Variants in TSC22D3 observed in about 807,000 individuals in gnomAD.
TSC22D3 encodes the protein TSC22 domain family member 3.
TSC22D3 carries 4 observed loss-of-function variants against 11.1 expected under a neutral mutation model. The ratio of observed to expected loss-of-function variants is 0.36; its 90% CI spans 0.18 to 0.83. TSC22D3 has a LOEUF of 0.83. Ranked by LOEUF, TSC22D3 falls within the 40% of genes least tolerant of loss-of-function variation. The pLI, the probability that TSC22D3 is intolerant of heterozygous loss-of-function variation, is 0.48. For missense variants in TSC22D3, 118 were observed against 159.4 expected (o/e 0.74, Z 1.40); for synonymous variants, 77 against 70.3 (o/e 1.10, Z -0.48).
intron 1 of TSC22D3, chrX:107,774,858 G>A: frequency 1.4e-5 from 6 of 423,280 alleles, no homozygotes. Flanking sequence ...CACCTTCTAG[G>A]CCCCAGCGTC....
chrX:107,716,147 G>A, intron 1 of TSC22D3, 197 bp from the exon 2 acceptor site: 1 of 635,484 alleles, frequency 1.6e-6, no homozygotes, highest in East Asian at 3.7e-5. Flanking sequence ...CCTCATCCAG[G>A]CCGGCTCAGC....
At chrX:107,747,422 A>G (rs1928721362) in intron 1 of TSC22D3, among the ~76,000 whole-genome samples, 1 of 112,629 alleles carries the variant, frequency 8.9e-6, no homozygotes, top group South Asian at 3.7e-4. Flanking sequence ...GTAGTGTGAC[A>G]TCTAAGTGGT....
At chrX:107,717,080 T>C in intron 1 of TSC22D3, 1 of 945,371 alleles carries the variant, frequency 1.1e-6, no homozygotes, top group Non-Finnish European at 1.3e-6. Context: ...TTTTGGCTCC[T>C]GCTTCTTTAT....
At chrX:107,742,375 GGA>G (rs1157065851) in intron 1 of TSC22D3, among the ~76,000 whole-genome samples, 19 of 99,312 alleles carry the variant, frequency 1.9e-4, no homozygotes, top group African/African-American at 5.2e-4. Flanking sequence ...GGGGAGGGAG[GGA>G]GAGAGAGAGA....
At chrX:107,746,407 GACACACACACACAGACAT>G (rs1361261817) in intron 1 of TSC22D3, among the ~76,000 whole-genome samples, 2 of 110,550 alleles carry the variant, frequency 1.8e-5, no homozygotes, top group African/African-American at 6.6e-5. Context: ...AAGACAGACA[GACACACACACACAGACAT>G]ACACACACAC....
chrX:107,725,402 C>A (rs762772428), intron 1 of TSC22D3, among the ~76,000 whole-genome samples: 8 of 111,163 alleles, frequency 7.2e-5, no homozygotes, highest in African/African-American at 2.3e-4. Flanking sequence ...AGGCGTGGGG[C>A]GGGAGAAGGG....
intron 1 of TSC22D3, among the ~76,000 whole-genome samples, chrX:107,743,580 G>C (rs931358007): frequency 3.6e-5 from 4 of 112,350 alleles, no homozygotes; most frequent in African/African-American, 1.3e-4. Context: ...TGTGAGCTGA[G>C]GATGGCCAGG....
chrX:107,726,147 G>A (rs1479054379), intron 1 of TSC22D3, among the ~76,000 whole-genome samples: 1 of 111,812 alleles, frequency 8.9e-6, no homozygotes, highest in African/African-American at 3.2e-5. Flanking sequence ...TTGCTTGTGA[G>A]CCCCTCCCTG....
chrX:107,743,745 T>C (rs1293146474), intron 1 of TSC22D3, among the ~76,000 whole-genome samples: 2 of 112,196 alleles, frequency 1.8e-5, no homozygotes, highest in African/African-American at 3.2e-5. Flanking sequence ...TCATTCTTTC[T>C]AGAGTGCTCT....
intron 1 of TSC22D3, chrX:107,717,253 C>CTT: frequency 5.3e-6 from 1 of 190,340 alleles, no homozygotes; most frequent in Non-Finnish European, 8.1e-6. Flanking sequence ...AAAGAAGGCT[C>CTT]TGGAGATCGA....
At chrX:107,742,640 C>T (rs907513317) in intron 1 of TSC22D3, among the ~76,000 whole-genome samples, 1 of 111,476 alleles carries the variant, frequency 9.0e-6, no homozygotes, top group Non-Finnish European at 1.9e-5. Context: ...CCTTCACCCT[C>T]CTTCATAAAA....
Position 107,775,301 on chromosome X carries a change from G to C in TSC22D3, c.119C>G (p.Pro40Arg). 1 of 1,211,983 alleles carries C rather than the reference G, an allele frequency of 8.3e-7. No individual in the cohort carries two copies. The highest frequency in any genetic ancestry group is 1.1e-6 in the Non-Finnish European group (1 of 895,520). The change falls in exon 1 of 3, where the codon CCG becomes CGG. Residue 40 changes from proline (P) to arginine (R), a missense_variant. Pro to Arg is a moderately radical substitution (Grantham distance 103). Coordinates refer to ENST00000372383, the MANE Select transcript of TSC22D3 (RefSeq NM_198057.3). ...AAAGTTGCTCACTGTAGGGCTGCCC[G>C]GGTTGTTGTTCTCCCCGCTGCTGCC... ...QRGSSGENNN[P>R]GSPTVSNFRQ...
intron 1 of TSC22D3, 61 bp from the exon 2 acceptor site, chrX:107,716,011 C>T (rs1226421508): frequency 7.1e-6 from 8 of 1,125,467 alleles, no homozygotes; most frequent in Non-Finnish European, 9.7e-6. Context: ...GAGTACATGG[C>T]AGTTGTGGCC....
At chrX:107,742,580 A>C (rs73249860) in intron 1 of TSC22D3, among the ~76,000 whole-genome samples, 1,967 of 111,121 alleles carry the variant, frequency 0.018, 29 homozygotes, top group Middle Eastern at 0.05. Context: ...ACAGAACAAC[A>C]AGCCTCTCTG....
Position 107,775,087 on chromosome X carries a change from C to G in TSC22D3, c.320+13G>C. 8.3e-7 allele frequency: 1 copy of G among 1,206,842 alleles called. No individual in the cohort carries two copies. Among genetic ancestry groups the G allele is most frequent in the Non-Finnish European group, 1.1e-6 (1 of 892,731 alleles). On this transcript the variant is annotated intron_variant, in intron 1 of 2. Transcript: ENST00000372383. ...GCAAGGACCGAGTTGCCGCCGTGTG[C>G]CGAGCCACCCACCTGTGGAAGAAGA...
intron 1 of TSC22D3, among the ~76,000 whole-genome samples, chrX:107,738,422 C>T (rs762604842): frequency 4.4e-5 from 5 of 112,621 alleles, no homozygotes; most frequent in Non-Finnish European, 3.8e-5. Flanking sequence ...TGCTCAAGGA[C>T]GCCAAGGGAG....
intron 1 of TSC22D3, chrX:107,774,845 G>A: frequency 2.4e-6 from 1 of 413,973 alleles, no homozygotes; most frequent in Non-Finnish European, 4.2e-6. Flanking sequence ...TCTGGGGTCT[G>A]CCCACCTTCT....
chrX:107,731,180 A>G (rs768407966), intron 1 of TSC22D3, among the ~76,000 whole-genome samples: 4 of 112,196 alleles, frequency 3.6e-5, no homozygotes, highest in Non-Finnish European at 7.5e-5. Context: ...TGAGAGAAAG[A>G]TTGCTTATCA....
Position 107,717,728 on chromosome X carries a change from G to C in TSC22D3, c.321-1778C>G, listed in dbSNP as rs373472875. 2.7e-5 allele frequency among the ~76,000 whole-genome samples: 3 copies of C among 112,215 alleles called. No individual in the cohort carries two copies. In the East Asian group the frequency reaches 8.4e-4, roughly 32 times the overall value. ...TCTACAGATGCATATGTATGGAGGA[G>C]AGGGTGTCCGGGAGCTGAGGTGAGT... On this transcript the variant is annotated intron_variant, in intron 1 of 2. Coordinates refer to ENST00000372383, the MANE Select transcript of TSC22D3 (RefSeq NM_198057.3).
Sources: gnomAD v4.1 joint callset for allele counts (sites outside exome capture counted in the v4.1 genomes callset) on GRCh38, gnomAD v4.1.1 for gene constraint, MANE v1.5 for transcripts, NCBI Gene and HGNC (gene_info 2026-07-23, HGNC 2026-07-21) for gene names.